SCAI: variants seen among roughly 807,000 people sequenced by gnomAD.
SCAI encodes suppressor of cancer cell invasion.
In SCAI, 24 loss-of-function variants were observed where a neutral mutation model predicts 92.2. That is an observed-to-expected ratio of 0.26 (90% CI 0.19 to 0.37). SCAI has a LOEUF of 0.37. SCAI is among the 10% of genes least tolerant of loss of function. The probability of loss-of-function intolerance (pLI) is 1.00; values close to 1 mark genes in which losing one functional copy is unlikely to be tolerated. For missense variants in SCAI, 450 were observed against 736.2 expected, an observed-to-expected ratio of 0.61 and a Z score of 4.50; for synonymous variants, 261 against 258.6, an observed-to-expected ratio of 1.01 and a Z score of -0.09.
intron 2 of SCAI, among the ~76,000 whole-genome samples, chr9:125,109,595 A>G (rs1239763772): frequency 6.6e-6 from 1 of 152,206 alleles, no homozygotes; most frequent in African/African-American, 2.4e-5. Flanking sequence ...AAAATGTGTT[A>G]TTGACTGACA....
intron 2 of SCAI, among the ~76,000 whole-genome samples, chr9:125,073,266 G>T (rs1389318477): frequency 6.7e-6 from 1 of 149,846 alleles, no homozygotes. Context: ...TACCACGCCC[G>T]GCTAATTTTT....
At chr9:125,082,303 G>A (rs1834237855) in intron 2 of SCAI, among the ~76,000 whole-genome samples, 1 of 152,232 alleles carries the variant, frequency 6.6e-6, no homozygotes, top group Non-Finnish European at 1.5e-5. Context: ...GTCAAGACCT[G>A]AAGTTTGGGA....
chr9:125,142,743 C>G, intron 1 of SCAI, 66 bp from the exon 2 acceptor site: 1 of 1,436,808 alleles, frequency 7.0e-7, no homozygotes, highest in Non-Finnish European at 9.8e-7. Context: ...CCGGCGCTAC[C>G]GTGCCAGTCA....
chr9:125,015,511 A>G (rs1213371863), intron 9 of SCAI, among the ~76,000 whole-genome samples: 1 of 152,222 alleles, frequency 6.6e-6, no homozygotes, highest in African/African-American at 2.4e-5. Flanking sequence ...TAGAATGGCA[A>G]TCATTAAAAA....
Position 124,968,926 on chromosome 9 carries a change from T to C in SCAI, c.1674+2444A>G, listed in dbSNP as rs927682830. The C allele has an allele frequency of 4.0e-5, 18 of 452,542 alleles. No individual in the cohort carries two copies. The Admixed American group carries it at 6.4e-4, about 16-fold the overall frequency. The allele number at this position is 452,542 out of a possible 1,614,324, so 28.0% of individuals were successfully genotyped here. A position where few individuals can be genotyped will look rare whatever the true frequency, so the allele number is the denominator to read the frequency against. On this transcript the variant is annotated intron_variant, in intron 17 of 17. Coordinates refer to ENST00000336505, the MANE Select transcript of SCAI (RefSeq NM_001144877.3). ...CAAACTGTAGGAAATCTCCAAAATT[T>C]TTCCAATTTATTTTTTGGAAAAAAA...
At chr9:125,087,436 G>C (rs2131190261) in intron 2 of SCAI, among the ~76,000 whole-genome samples, 1 of 152,298 alleles carries the variant, frequency 6.6e-6, no homozygotes, top group East Asian at 1.9e-4. Context: ...CTAGTAAGTA[G>C]TAACTAGTCC....
At chr9:125,012,016 G>A (rs1832651302) in intron 9 of SCAI, among the ~76,000 whole-genome samples, 2 of 152,120 alleles carry the variant, frequency 1.3e-5, no homozygotes, top group African/African-American at 2.4e-5. Context: ...TGCCCTACAA[G>A]AGCTCCTGAA....
At chr9:125,058,795 G>T in intron 2 of SCAI, among the ~76,000 whole-genome samples, 1 of 152,154 alleles carries the variant, frequency 6.6e-6, no homozygotes, top group East Asian at 1.9e-4. Context: ...GGTAGAAAAA[G>T]TACAGGATCA....
In SCAI at chr9:125,063,400, A is replaced by G. The variant is rs568954687; in HGVS notation, c.99-7393T>C. ...TCAAAGGAGGAAAAAAAAAAAAAAA[A>G]GAATGAATATAGAAAAGACAGGACA... On this transcript the variant is annotated intron_variant, in intron 2 of 17. Transcript: ENST00000336505. Among the ~76,000 whole-genome samples the G allele has an allele frequency of 7.8e-3, 1,182 of 151,824 alleles. 20 individuals carry two copies. Among genetic ancestry groups the G allele is most frequent in the African/African-American group, 0.027 (1,103 of 41,364 alleles).
At chr9:125,106,122 A>ATATATAT (rs1361859750) in intron 2 of SCAI, among the ~76,000 whole-genome samples, 2 of 8,864 alleles carry the variant, frequency 2.3e-4, no homozygotes, top group Non-Finnish European at 2.7e-4. Flanking sequence ...AAAAAAAAAA[A>ATATATAT]ATATATATAT....
At chr9:124,953,612 C>T (rs913826778) in intron 17 of SCAI, among the ~76,000 whole-genome samples, 5 of 151,946 alleles carry the variant, frequency 3.3e-5, no homozygotes, top group Admixed American at 2.0e-4. Flanking sequence ...GGTGTTTCAC[C>T]ATGTTGGCCA....
chr9:124,970,007 C>T (rs1831624356), intron 17 of SCAI, among the ~76,000 whole-genome samples: 1 of 152,114 alleles, frequency 6.6e-6, no homozygotes, highest in African/African-American at 2.4e-5. Context: ...GTGCATGCCA[C>T]CATGTCTGGC....
At chr9:125,035,513 G>A (rs1375172399) in intron 3 of SCAI, among the ~76,000 whole-genome samples, 1 of 152,070 alleles carries the variant, frequency 6.6e-6, no homozygotes, top group Non-Finnish European at 1.5e-5. Flanking sequence ...AGTCAGACTG[G>A]CTTGGTACCA....
chr9:125,108,523 G>A (rs7469147), intron 2 of SCAI, among the ~76,000 whole-genome samples: 2,486 of 125,952 alleles, frequency 0.02, 162 homozygotes, highest in African/African-American at 0.074. Context: ...GCCCGGCTGC[G>A]ACCCCATCTG....
intron 3 of SCAI, among the ~76,000 whole-genome samples, chr9:125,030,675 A>G (rs1482608505): frequency 6.6e-6 from 1 of 152,232 alleles, no homozygotes; most frequent in Admixed American, 6.5e-5. Context: ...GATGACCTAT[A>G]TAATGCAATG....
At chr9:125,047,101 C>G (rs1833459193) in intron 3 of SCAI, among the ~76,000 whole-genome samples, 1 of 152,198 alleles carries the variant, frequency 6.6e-6, no homozygotes, top group Admixed American at 6.5e-5. Context: ...AAAACTCGTA[C>G]ATTCAACCTC....
At chr9:124,957,745 G>A (rs149085252) in intron 17 of SCAI, among the ~76,000 whole-genome samples, 1,491 of 145,560 alleles carry the variant, frequency 0.01, 22 homozygotes, top group African/African-American at 0.036. Flanking sequence ...GCAATGGCAC[G>A]ACCTCGGCTC....
At position 125,026,251 on chromosome 9, in the gene SCAI, G is replaced by A. The variant is rs1429791156; in HGVS notation, c.512+561C>T. Among the ~76,000 whole-genome samples, 3 of 152,198 alleles carry A rather than the reference G, an allele frequency of 2.0e-5. No homozygotes were observed. The East Asian group carries it at 5.8e-4, about 29-fold the overall frequency. The stretch of plus-strand genomic sequence containing the variant: ...TAGCCGGGGGTGGTGACACAAGCCT[G>A]TAATCCCAGCTACTTGGGATGCTGA... On this transcript the variant is annotated intron_variant, in intron 6 of 17. Transcript: ENST00000336505.
intron 3 of SCAI, among the ~76,000 whole-genome samples, chr9:125,039,123 C>T (rs142358276): frequency 2.4e-4 from 36 of 152,250 alleles, no homozygotes; most frequent in Non-Finnish European, 4.7e-4. Context: ...TGCAGTGGCT[C>T]ACGCCTGTAA....
Sources: allele counts gnomAD v4.1 joint callset (sites outside exome capture counted in the v4.1 genomes callset), GRCh38; gene constraint gnomAD v4.1.1; transcripts MANE v1.5; gene names NCBI Gene and HGNC (gene_info 2026-07-23, HGNC 2026-07-21).